Variants in SKA3 observed in about 807,000 individuals in gnomAD.
The protein encoded by SKA3 is spindle and kinetochore-associated protein 3.
Under a neutral mutation model 44.2 loss-of-function variants are expected in SKA3, and 39 were observed. That is an observed-to-expected ratio of 0.88 (90% CI 0.68 to 1.15). SKA3 has a LOEUF of 1.15. Among genes scored for constraint, SKA3 ranks in the 50% most tolerant of loss-of-function variants. The pLI is 0.00. For missense variants in SKA3, 511 were observed against 485.8 expected, an observed-to-expected ratio of 1.05 and a Z score of -0.49; for synonymous variants, 192 against 172.0, an observed-to-expected ratio of 1.12 and a Z score of -0.91.
chr13:21,176,451 C>T lies in SKA3; in HGVS notation c.27G>A (p.Gly9=). 1.3e-6 allele frequency: 2 copies of T among 1,577,530 alleles called. No homozygotes were observed. The highest frequency in any genetic ancestry group is 1.2e-5 in the South Asian group (1 of 86,850). ...GCGTGCTGGCCAGAGACCGCAGCTTCCCGCAGAAGCTCCGGATAGGGTCCA... is the reference window on the plus strand; with the variant it reads ...GCGTGCTGGCCAGAGACCGCAGCTTTCCGCAGAAGCTCCGGATAGGGTCCA... MDPIRSFC[G]KLRSLASTLD... The change falls in exon 1 of 9, where the codon GGG becomes GGA. Residue 9 remains glycine, a synonymous_variant. Transcript: ENST00000314759.
intron 8 of SKA3, 93 bp from the exon 9 acceptor site, chr13:21,155,243 A>AAGTG: frequency 7.7e-6 from 7 of 908,444 alleles, no homozygotes; most frequent in Non-Finnish European, 1.1e-5. Context: ...TTTTACACTT[A>AAGTG]TAAAATAATT....
rs1870009547 is a variant in SKA3, at chr13:21,154,778, AT to A, written c.*371del. 3.1e-6 allele frequency: 1 copy of A among 324,290 alleles called. No individual in the cohort carries two copies. The highest frequency in any genetic ancestry group is 4.6e-5 in the South Asian group (1 of 21,902). 20.1% of individuals were successfully genotyped at this position (324,290 alleles called of 1,614,324 possible). On this transcript the variant is annotated 3_prime_UTR_variant, in exon 9 of 9. Coordinates refer to ENST00000314759, the MANE Select transcript of SKA3 (RefSeq NM_145061.6). The stretch of plus-strand genomic sequence containing the variant: ...GGGAAGGCAGAGCTGGCTGGCAGCA[AT>A]GTCTCTCTGGCCAGAAGGTCAGGGG...
At chr13:21,165,432 T>C (rs1230922891) in intron 4 of SKA3, among the ~76,000 whole-genome samples, 1 of 151,098 alleles carries the variant, frequency 6.6e-6, no homozygotes. Context: ...TAAAAATAAA[T>C]AAATAAATAA....
chr13:21,158,424 C>T (rs1870253396), intron 6 of SKA3, among the ~76,000 whole-genome samples: 1 of 151,868 alleles, frequency 6.6e-6, no homozygotes, highest in African/African-American at 2.4e-5. Flanking sequence ...AGTTTGAGAC[C>T]AGCTTCGCCA....
At chr13:21,172,306 A>G in intron 3 of SKA3, 33 bp downstream of exon 3, 1 of 1,093,744 alleles carries the variant, frequency 9.1e-7, no homozygotes, top group South Asian at 2.3e-5. Flanking sequence ...CTTCAATACT[A>G]AAACAAATGC....
intron 6 of SKA3, among the ~76,000 whole-genome samples, chr13:21,158,576 G>A (rs546658221): frequency 8.5e-5 from 13 of 152,190 alleles, no homozygotes; most frequent in Admixed American, 2.6e-4. Context: ...AGCCAAGATC[G>A]CGCCACTGCA....
In SKA3 at chr13:21,168,034, T is replaced by G; in HGVS notation, c.697A>C (p.Asn233His). Residue 233 changes from asparagine (N) to histidine (H), a missense_variant, in exon 4 of 9, where the codon AAT (asparagine) becomes CAT (histidine). Asn to His is a moderately conservative substitution (Grantham distance 68). Coordinates refer to ENST00000314759, the MANE Select transcript of SKA3 (RefSeq NM_145061.6). ...TTAAGTCCCATTGTGTAATCTTCATTTAAACACATAGTATATTCAGAGATA... is the reference window on the plus strand; with the variant it reads ...TTAAGTCCCATTGTGTAATCTTCATGTAAACACATAGTATATTCAGAGATA... Reference protein sequence around the residue: ...FGISEYTMCLNEDYTMGLKNA... With the variant: ...FGISEYTMCLHEDYTMGLKNA... 2 of 1,606,762 alleles carry G rather than the reference T, an allele frequency of 1.2e-6. No homozygotes were observed. Among genetic ancestry groups the G allele is most frequent in the Non-Finnish European group, 1.7e-6 (2 of 1,177,160 alleles).
intron 5 of SKA3, among the ~76,000 whole-genome samples, chr13:21,160,280 T>C (rs1870366211): frequency 2.0e-5 from 3 of 152,114 alleles, no homozygotes; most frequent in Admixed American, 2.0e-4. Flanking sequence ...TGAAGAAAAT[T>C]ATCAAACTTC....
At chr13:21,164,667 G>A (rs553817736) in intron 4 of SKA3, among the ~76,000 whole-genome samples, 89 of 152,328 alleles carry the variant, frequency 5.8e-4, no homozygotes, top group Middle Eastern at 3.4e-3. Flanking sequence ...TTATTAGTAT[G>A]TGTGTAACAG....
intron 4 of SKA3, 71 bp downstream of exon 4, chr13:21,167,917 G>A (rs1870804965): frequency 2.4e-6 from 3 of 1,268,762 alleles, no homozygotes; most frequent in African/African-American, 3.1e-5. Context: ...TATTTCTTCT[G>A]GAAAAAAAAT....
chr13:21,154,667 T>C lies in SKA3; in HGVS notation c.*483A>G. 5.7e-6 allele frequency: 1 copy of C among 174,778 alleles called. No homozygotes were observed. Among genetic ancestry groups the C allele is most frequent in the South Asian group, 1.4e-4 (1 of 7,288 alleles). The allele number at this position is 174,778 out of a possible 1,614,324, so 10.8% of individuals were successfully genotyped here. ...CTCTTTTCCTAATTAGTTTAACTGG[T>C]GTTCCTGTTGTTTGCAAACAGCAAC... is the stretch of plus-strand genomic sequence containing the variant. On this transcript the variant is annotated 3_prime_UTR_variant, in exon 9 of 9. Transcript: ENST00000314759.
In SKA3 at chr13:21,168,169, T is replaced by A. The variant is rs751492492; in HGVS notation, c.562A>T (p.Ile188Phe). 1.2e-6 allele frequency: 2 copies of A among 1,614,036 alleles called. No individual in the cohort carries two copies. Reference sequence around the variant, plus strand: ...GATTGTTTGGTAGGTGGGGTTACAATTACGGGCTCTTCCTTATAGTTGTTC... The same window carrying A: ...GATTGTTTGGTAGGTGGGGTTACAAATACGGGCTCTTCCTTATAGTTGTTC... ...AVNNYKEEPV[I>F]VTPPTKQSLV... is the part of the protein sequence containing the mutation. The change falls in exon 4 of 9, where the codon ATT becomes TTT. Residue 188 changes from isoleucine (I) to phenylalanine (F), a missense_variant. Coordinates refer to ENST00000314759, the MANE Select transcript of SKA3 (RefSeq NM_145061.6).
At chr13:21,158,895 TAG>T (rs1480191551) in intron 6 of SKA3, among the ~76,000 whole-genome samples, 3 of 152,160 alleles carry the variant, frequency 2.0e-5, no homozygotes, top group Non-Finnish European at 2.9e-5. Context: ...AGAGAGACGA[TAG>T]AGTGTCACCT....
intron 1 of SKA3, among the ~76,000 whole-genome samples, chr13:21,174,504 T>G (rs1871311774): frequency 6.6e-6 from 1 of 152,020 alleles, no homozygotes; most frequent in African/African-American, 2.4e-5. Context: ...CACCGCATGT[T>G]CTCACTCATA....
intron 4 of SKA3, among the ~76,000 whole-genome samples, chr13:21,163,983 C>T (rs1378457380): frequency 6.6e-6 from 1 of 152,052 alleles, no homozygotes. Context: ...AGGCTGGTCT[C>T]GAACTCCTGA....
chr13:21,176,132 T>A (rs1871502090), intron 1 of SKA3, among the ~76,000 whole-genome samples: 1 of 152,216 alleles, frequency 6.6e-6, no homozygotes, highest in African/African-American at 2.4e-5. Context: ...GCCGTGGGGT[T>A]GTACATGGGT....
At chr13:21,176,304 C>T (rs933310466) in intron 1 of SKA3, 71 bp downstream of exon 1, 7 of 1,168,516 alleles carry the variant, frequency 6.0e-6, no homozygotes, top group Non-Finnish European at 7.8e-6. Context: ...TGGGACATAC[C>T]GTCCACTCGC....
intron 1 of SKA3, among the ~76,000 whole-genome samples, chr13:21,176,158 G>A (rs1031841084): frequency 1.3e-5 from 2 of 152,152 alleles, no homozygotes; most frequent in Admixed American, 6.5e-5. Flanking sequence ...ACGGACACGC[G>A]ACAAGGGTTC....
chr13:21,176,417 C>G lies in SKA3; in HGVS notation c.61G>C (p.Glu21Gln). The change falls in exon 1 of 9, where the codon GAG becomes CAG. Residue 21 changes from glutamate (E) to glutamine (Q), a missense_variant. Transcript: ENST00000314759. ...LRSLASTLDC[E>Q]TARLQRALDG... ...AGCGCTCGCTGCAGCCGGGCCGTCT[C>G]GCAGTCCAGCGTGCTGGCCAGAGAC... The G allele has an allele frequency of 6.3e-7, 1 of 1,585,048 alleles. No homozygotes were observed. Among genetic ancestry groups the G allele is most frequent in the South Asian group, 1.1e-5 (1 of 87,570 alleles).
Sources: allele counts gnomAD v4.1 joint callset (sites outside exome capture counted in the v4.1 genomes callset), GRCh38; gene constraint gnomAD v4.1.1; transcripts MANE v1.5; gene names NCBI Gene and HGNC (gene_info 2026-07-23, HGNC 2026-07-21).